EML4: variants seen among roughly 807,000 people sequenced by gnomAD.
The protein encoded by EML4 is EMAP like 4.
A neutral mutation model predicts 129.0 loss-of-function variants in EML4; 72 were observed. The ratio of observed to expected loss-of-function variants is 0.56; its 90% CI spans 0.46 to 0.68. EML4 has a LOEUF of 0.68. Ranked by LOEUF, EML4 falls within the 30% of genes least tolerant of loss-of-function variation. The pLI is 0.00. For missense variants in EML4, 1,363 were observed against 1,190.6 expected, an observed-to-expected ratio of 1.14 and a Z score of -2.13; for synonymous variants, 532 against 405.0, an observed-to-expected ratio of 1.31 and a Z score of -3.77.
At chr2:42,302,767 C>T (rs1668363836) in intron 14 of EML4, among the ~76,000 whole-genome samples, 2 of 152,150 alleles carry the variant, frequency 1.3e-5, no homozygotes, top group South Asian at 4.1e-4. Context: ...CTCCTGACCT[C>T]AGGTGATCCA....
At chr2:42,207,758 G>C (rs1364349106) in intron 1 of EML4, among the ~76,000 whole-genome samples, 2 of 152,128 alleles carry the variant, frequency 1.3e-5, no homozygotes, top group African/African-American at 4.8e-5. Flanking sequence ...TAAGTGACTT[G>C]TCTCTGAGTT....
chr2:42,290,119 A>T (rs1199062858), intron 11 of EML4, among the ~76,000 whole-genome samples: 1 of 151,850 alleles, frequency 6.6e-6, no homozygotes, highest in Non-Finnish European at 1.5e-5. Context: ...AACTTAATCA[A>T]AACAGAGGAT....
chr2:42,242,409 C>A (rs1459463171), intron 1 of EML4, among the ~76,000 whole-genome samples: 1 of 152,086 alleles, frequency 6.6e-6, no homozygotes. Flanking sequence ...AATATTGGAG[C>A]AGCTCTCAGA....
chr2:42,268,500 C>T (rs902694223), intron 6 of EML4, among the ~76,000 whole-genome samples: 2 of 152,228 alleles, frequency 1.3e-5, no homozygotes, highest in East Asian at 1.9e-4. Context: ...GTTCAGTGCA[C>T]GATCATAACT....
chr2:42,316,172 T>C (rs188691149), intron 18 of EML4, 122 bp downstream of exon 18: 3 of 563,002 alleles, frequency 5.3e-6, no homozygotes, highest in Non-Finnish European at 9.4e-6. Context: ...AAGTATTAAA[T>C]CTGTTTCCCC....
At chr2:42,233,301 G>A (rs918020060) in intron 1 of EML4, among the ~76,000 whole-genome samples, 1 of 150,558 alleles carries the variant, frequency 6.6e-6, no homozygotes, top group African/African-American at 2.4e-5. Flanking sequence ...GTTATTACAG[G>A]TTTCTTTCTT....
chr2:42,308,669 C>T (rs765875326), intron 17 of EML4, among the ~76,000 whole-genome samples: 1 of 152,038 alleles, frequency 6.6e-6, no homozygotes, highest in South Asian at 2.1e-4. Flanking sequence ...TGCAGCTATC[C>T]TCACAGTCTA....
intron 1 of EML4, among the ~76,000 whole-genome samples, chr2:42,235,012 C>T (rs1203505247): frequency 1.3e-5 from 2 of 151,808 alleles, no homozygotes; most frequent in Admixed American, 6.6e-5. Flanking sequence ...CAAAAATTAG[C>T]GGGTCAGGCA....
At position 42,252,748 on chromosome 2, in the gene EML4, G is replaced by A. The variant is rs138126829; in HGVS notation, c.209-3753G>A. Among the ~76,000 whole-genome samples the A allele has an allele frequency of 6.2e-3, 936 of 152,056 alleles. 12 individuals carry two copies. The highest frequency in any genetic ancestry group is 0.022 in the African/African-American group (898 of 41,488). On this transcript the variant is annotated intron_variant, in intron 2 of 22. Coordinates refer to ENST00000318522, the MANE Select transcript of EML4 (RefSeq NM_019063.5). ...AATAGGATCCCATTGTCTTATCACC[G>A]CCCTTTCAGCTGTCTATTTCTTTCT...
rs558907229 is a variant in EML4, at chr2:42,270,104, T to C, written c.667+5373T>C. ...AATTTTTCCTGTTACCCTGAGACTTTGGGTCTCAGTTTCCTTACACATATT... is the reference window on the plus strand; with the variant it reads ...AATTTTTCCTGTTACCCTGAGACTTCGGGTCTCAGTTTCCTTACACATATT... On this transcript the variant is annotated intron_variant, in intron 6 of 22. Coordinates refer to ENST00000318522, the MANE Select transcript of EML4 (RefSeq NM_019063.5). Among the ~76,000 whole-genome samples the C allele has an allele frequency of 3.4e-4, 52 of 152,224 alleles. 1 individual carries two copies. Among genetic ancestry groups the C allele is most frequent in the Non-Finnish European group, 5.7e-4 (39 of 68,042 alleles).
intron 1 of EML4, among the ~76,000 whole-genome samples, chr2:42,174,766 A>C (rs1670495171): frequency 6.6e-6 from 1 of 152,150 alleles, no homozygotes; most frequent in Non-Finnish European, 1.5e-5. Flanking sequence ...TAACCTTGGG[A>C]GATAAATTAT....
Position 42,255,606 on chromosome 2 carries a change from A to T in EML4, c.209-895A>T, listed in dbSNP as rs561592359. On this transcript the variant is annotated intron_variant, in intron 2 of 22. Transcript: ENST00000318522. ...CTAGAACTAAATCTGATGACCAGTG[A>T]TATTTGCATAATTTGAGGATTAATG... Among the ~76,000 whole-genome samples the T allele has an allele frequency of 1.3e-4, 20 of 152,332 alleles. No individual in the cohort carries two copies. The South Asian group carries it at 3.9e-3, about 30-fold the overall frequency.
At chr2:42,264,156 G>T (rs1419850277) in intron 5 of EML4, among the ~76,000 whole-genome samples, 1 of 142,004 alleles carries the variant, frequency 7.0e-6, no homozygotes. Flanking sequence ...CGTCCAGGCT[G>T]GAGTGCCATG....
At chr2:42,185,548 G>A (rs1671201476) in intron 1 of EML4, among the ~76,000 whole-genome samples, 1 of 152,176 alleles carries the variant, frequency 6.6e-6, no homozygotes, top group African/African-American at 2.4e-5. Context: ...GGCAGTTAGA[G>A]AGACTTCTTT....
chr2:42,231,126 G>C (rs926270388), intron 1 of EML4, among the ~76,000 whole-genome samples: 1 of 152,128 alleles, frequency 6.6e-6, no homozygotes. Flanking sequence ...TTATGCTTCT[G>C]TTCCCATGAC....
At chr2:42,278,657 G>A (rs901612340) in intron 6 of EML4, among the ~76,000 whole-genome samples, 2 of 151,236 alleles carry the variant, frequency 1.3e-5, no homozygotes, top group Non-Finnish European at 2.9e-5. Flanking sequence ...ATATTGCCCA[G>A]GCATGGTGGT....
At chr2:42,181,989 C>T (rs969716746) in intron 1 of EML4, among the ~76,000 whole-genome samples, 6 of 152,074 alleles carry the variant, frequency 3.9e-5, no homozygotes, top group African/African-American at 1.4e-4. Context: ...TTTACAACAG[C>T]GTAGGGTTAA....
intron 1 of EML4, chr2:42,208,051 A>G (rs140646043): frequency 2.0e-5 from 3 of 152,340 alleles, no homozygotes; most frequent in Non-Finnish European, 4.4e-5. Flanking sequence ...AGCAGCTCAC[A>G]CTTTCAATTT....
At chr2:42,219,924 TA>T (rs56773943) in intron 1 of EML4, among the ~76,000 whole-genome samples, 82,959 of 137,672 alleles carry the variant, frequency 0.6, 24,668 homozygotes, top group East Asian at 0.73. Flanking sequence ...AGACTCCATC[TA>T]AAAAAAAAAA....
Sources: gnomAD v4.1 joint callset for allele counts (sites outside exome capture counted in the v4.1 genomes callset) on GRCh38, gnomAD v4.1.1 for gene constraint, MANE v1.5 for transcripts, NCBI Gene and HGNC (gene_info 2026-07-23, HGNC 2026-07-21) for gene names.